The following ATP2B2 variants were observed in gnomAD, a reference collection of about 807,000 sequenced individuals.
ATP2B2 encodes the protein ATPase plasma membrane Ca2+ transporting 2.
ATP2B2 carries 15 observed loss-of-function variants against 120.0 expected under a neutral mutation model. That is an observed-to-expected ratio of 0.12 (90% CI 0.08 to 0.19). ATP2B2 has a LOEUF of 0.19. ATP2B2 is among the 10% of genes least tolerant of loss of function. The pLI is 1.00. For missense variants in ATP2B2, 1,045 were observed against 1,719.8 expected (o/e 0.61, Z 6.94); for synonymous variants, 694 against 700.3 (o/e 0.99, Z 0.14).
At chr3:10,594,946 G>A (rs2068730757) in intron 2 of ATP2B2, among the ~76,000 whole-genome samples, 1 of 152,238 alleles carries the variant, frequency 6.6e-6, no homozygotes, top group Admixed American at 6.5e-5. Flanking sequence ...ATCAAATGCA[G>A]TTATTTTCCC....
intron 1 of ATP2B2, among the ~76,000 whole-genome samples, chr3:10,649,063 T>C (rs2070388376): frequency 6.6e-6 from 1 of 152,324 alleles, no homozygotes; most frequent in African/African-American, 2.4e-5. Context: ...TAGCCACATG[T>C]GGCCATTTAA....
At chr3:10,697,563 G>A (rs868858802) in intron 1 of ATP2B2, among the ~76,000 whole-genome samples, 1 of 152,116 alleles carries the variant, frequency 6.6e-6, no homozygotes, top group African/African-American at 2.4e-5. Context: ...TTTTCTCCAC[G>A]ACATACCTCT....
intron 1 of ATP2B2, among the ~76,000 whole-genome samples, chr3:10,658,320 C>T (rs1233504801): frequency 1.4e-5 from 2 of 140,332 alleles, no homozygotes; most frequent in Admixed American, 1.5e-4. Context: ...AGTTCGAACC[C>T]ATCACAAAGA....
intron 8 of ATP2B2, 104 bp from the exon 9 acceptor site, chr3:10,379,388 C>T (rs916397715): frequency 1.7e-5 from 22 of 1,317,548 alleles, no homozygotes; most frequent in Middle Eastern, 1.8e-4. Context: ...AGATGAAGGG[C>T]GGGCCGTGCT....
intron 5 of ATP2B2, among the ~76,000 whole-genome samples, chr3:10,392,286 T>C (rs2061878525): frequency 6.6e-6 from 1 of 152,158 alleles, no homozygotes; most frequent in Admixed American, 6.5e-5. Context: ...ATGTCCCTAA[T>C]AAATCATCTT....
At chr3:10,650,071 G>A (rs1051788870) in intron 1 of ATP2B2, among the ~76,000 whole-genome samples, 10 of 152,220 alleles carry the variant, frequency 6.6e-5, no homozygotes, top group South Asian at 4.1e-4. Flanking sequence ...CTGTGGAAGC[G>A]ACTTTGGAAT....
chr3:10,476,332 A>G (rs2065201296), intron 1 of ATP2B2, among the ~76,000 whole-genome samples: 1 of 152,216 alleles, frequency 6.6e-6, no homozygotes, highest in Non-Finnish European at 1.5e-5. Flanking sequence ...CTAGCTTCTC[A>G]AAGGAATCCC....
chr3:10,550,291 C>T (rs191794571), intron 2 of ATP2B2, among the ~76,000 whole-genome samples: 313 of 152,274 alleles, frequency 2.1e-3, no homozygotes, highest in African/African-American at 7.1e-3. Context: ...TGCAACAGAA[C>T]AATTTCCTGA....
At chr3:10,414,216 G>A (rs2062707873) in intron 2 of ATP2B2, among the ~76,000 whole-genome samples, 1 of 152,190 alleles carries the variant, frequency 6.6e-6, no homozygotes, top group Non-Finnish European at 1.5e-5. Flanking sequence ...AAGAGAGGGG[G>A]AGTCTCTGAA....
intron 1 of ATP2B2, among the ~76,000 whole-genome samples, chr3:10,623,054 CTTTTT>C (rs34097914): frequency 3.8e-5 from 4 of 106,614 alleles, no homozygotes; most frequent in South Asian, 6.8e-4. Context: ...TTGGTCAGCT[CTTTTT>C]TTTTTTTTTT....
chr3:10,482,553 G>A (rs750936526), intron 1 of ATP2B2, among the ~76,000 whole-genome samples: 14 of 152,334 alleles, frequency 9.2e-5, no homozygotes, highest in South Asian at 2.1e-4. Context: ...GCCATGGCTA[G>A]GGTCAAGCTG....
rs1257724369 is a variant in ATP2B2, at chr3:10,449,523, G to A, written c.21C>T (p.Ser7=). Residue 7 remains serine (S), a synonymous_variant, in exon 2 of 23, where the codon AGC becomes AGT. Transcript: ENST00000360273. ...TTCTTTGGTTTTTGGAGTAAAAGTC[G>A]CTGTTGGTCATGTCACCCATGTTTG... MGDMTN[S]DFYSKNQRNE... 6.2e-7 allele frequency: 1 copy of A among 1,614,256 alleles called. No homozygotes were observed. The highest frequency in any genetic ancestry group is 8.5e-7 in the Non-Finnish European group (1 of 1,180,046).
chr3:10,429,907 A>T (rs2063262921), intron 2 of ATP2B2, among the ~76,000 whole-genome samples: 2 of 152,212 alleles, frequency 1.3e-5, no homozygotes, highest in Admixed American at 6.5e-5. Context: ...TGGATAGAAG[A>T]TCAAACCAGC....
intron 1 of ATP2B2, among the ~76,000 whole-genome samples, chr3:10,453,254 G>T (rs1490226221): frequency 6.6e-6 from 1 of 152,176 alleles, no homozygotes; most frequent in African/African-American, 2.4e-5. Flanking sequence ...AGGGGAATAG[G>T]AGTATCTACC....
chr3:10,383,932 GC>G (rs1046027635), intron 8 of ATP2B2, among the ~76,000 whole-genome samples: 2 of 152,268 alleles, frequency 1.3e-5, no homozygotes, highest in African/African-American at 4.8e-5. Context: ...TGAAGTGGGT[GC>G]CCCCTCTAGG....
intron 2 of ATP2B2, among the ~76,000 whole-genome samples, chr3:10,618,219 T>C (rs1457349612): frequency 6.6e-6 from 1 of 152,218 alleles, no homozygotes; most frequent in Non-Finnish European, 1.5e-5. Context: ...GTCAAGTGAC[T>C]TTGGGCAAGT....
At chr3:10,564,285 C>G (rs929115425) in intron 2 of ATP2B2, among the ~76,000 whole-genome samples, 1 of 152,202 alleles carries the variant, frequency 6.6e-6, no homozygotes, top group Non-Finnish European at 1.5e-5. Flanking sequence ...CTCTTTTGTT[C>G]CCGGTGCAAC....
chr3:10,507,647 A>G (rs1376926702), upstream of ATP2B2, among the ~76,000 whole-genome samples: 1 of 152,220 alleles, frequency 6.6e-6, no homozygotes, highest in Non-Finnish European at 1.5e-5. Flanking sequence ...TGCTTACAAA[A>G]TAGCCCGAGA....
chr3:10,578,761 T>C (rs750328718), intron 2 of ATP2B2, among the ~76,000 whole-genome samples: 1 of 152,108 alleles, frequency 6.6e-6, no homozygotes, highest in Non-Finnish European at 1.5e-5. Context: ...CTGGAGCACA[T>C]GGGTGATGGA....
Sources: allele counts gnomAD v4.1 joint callset (sites outside exome capture counted in the v4.1 genomes callset), GRCh38; gene constraint gnomAD v4.1.1; transcripts MANE v1.5; gene names NCBI Gene and HGNC (gene_info 2026-07-23, HGNC 2026-07-21).